FGF13: variants seen among roughly 807,000 people sequenced by gnomAD.
FGF13 encodes the protein fibroblast growth factor 13, also known as fibroblast growth factor homologous factor 2.
A neutral mutation model predicts 19.5 loss-of-function variants in FGF13; 2 were observed. That is an observed-to-expected ratio of 0.10 (90% CI 0.04 to 0.32). FGF13 has a LOEUF of 0.32. Ranked by LOEUF, FGF13 falls within the 10% of genes least tolerant of loss-of-function variation. FGF13 has a pLI of 1.00. For synonymous variants in FGF13, 72 were observed against 76.9 expected (o/e 0.94, Z 0.33); for missense variants, 113 against 192.7 (o/e 0.59, Z 2.45).
chrX:138,843,718 C>G (rs1253040905), intron 3 of FGF13, among the ~76,000 whole-genome samples: 1 of 111,514 alleles, frequency 9.0e-6, no homozygotes, highest in African/African-American at 3.3e-5. Flanking sequence ...ATACATAGGA[C>G]AGACCTTCAA....
At chrX:138,732,139 G>A (rs2090236753) in intron 1 of FGF13, among the ~76,000 whole-genome samples, 1 of 111,419 alleles carries the variant, frequency 9.0e-6, no homozygotes, top group African/African-American at 3.3e-5. Context: ...ATCACTTGTG[G>A]GGATATAAAA....
intron 3 of FGF13, among the ~76,000 whole-genome samples, chrX:138,778,757 C>A (rs776087955): frequency 1.6e-3 from 181 of 112,590 alleles, no homozygotes; most frequent in African/African-American, 5.4e-3. Flanking sequence ...CCCGCCATTG[C>A]CCAGGCTTGA....
chrX:139,048,913 C>A (rs1436849261), intron 1 of FGF13, among the ~76,000 whole-genome samples: 1 of 111,104 alleles, frequency 9.0e-6, no homozygotes, highest in Admixed American at 9.6e-5. Context: ...CCATGGCACA[C>A]AACACTAACG....
intron 3 of FGF13, among the ~76,000 whole-genome samples, chrX:138,777,897 C>T (rs572108536): frequency 2.1e-4 from 23 of 108,382 alleles, no homozygotes; most frequent in African/African-American, 6.1e-4. Flanking sequence ...ATCCAGGAAA[C>T]GCAAAACATA....
chrX:139,091,211 G>C (rs1362669459), intron 1 of FGF13, among the ~76,000 whole-genome samples: 1 of 110,869 alleles, frequency 9.0e-6, no homozygotes, highest in Non-Finnish European at 1.9e-5. Flanking sequence ...AACTAGCCAA[G>C]GCCTTGAAAA....
At position 138,631,674 on chromosome X, in the gene FGF13, T is replaced by C. The variant is rs1328778714; in HGVS notation, c.*1176A>G. On this transcript the variant is annotated 3_prime_UTR_variant, in exon 5 of 5. Transcript: ENST00000315930. ...ACTTTTTGTGCACAGGACAGAAAAC[T>C]GCCTGTACATGCTATGTCCACTTTT... is the stretch of plus-strand genomic sequence containing the variant. The C allele has an allele frequency of 8.9e-6, 1 of 112,620 alleles. No individual in the cohort carries two copies. The highest frequency in any genetic ancestry group is 2.8e-4 in the East Asian group (1 of 3,591). The allele number at this position is 112,620 out of a possible 1,213,427, so 9.3% of individuals were successfully genotyped here. A position where few individuals can be genotyped will look rare whatever the true frequency, so the allele number is the denominator to read the frequency against.
chrX:138,994,901 G>A (rs1014686983), intron 1 of FGF13, among the ~76,000 whole-genome samples: 1 of 109,150 alleles, frequency 9.2e-6, no homozygotes, highest in Non-Finnish European at 1.9e-5. Flanking sequence ...CATTCAGAGA[G>A]GGGTGTAGCT....
At chrX:138,763,132 T>C (rs945878970) in intron 3 of FGF13, among the ~76,000 whole-genome samples, 1 of 110,978 alleles carries the variant, frequency 9.0e-6, no homozygotes, top group Non-Finnish European at 1.9e-5. Flanking sequence ...TTATATCATA[T>C]ACACCAAGAT....
At position 139,094,449 on chromosome X, in the gene FGF13, G is replaced by A. The variant is rs746121717; in HGVS notation, c.-113+108967C>T. Among the ~76,000 whole-genome samples the A allele has an allele frequency of 3.6e-5, 4 of 111,764 alleles. No homozygotes were observed. The South Asian group carries it at 1.5e-3, about 42-fold the overall frequency. On this transcript the variant is annotated intron_variant, in intron 1 of 2. Coordinates refer to the FGF13 transcript ENST00000421460. ...AAGCTGAGGTTCAGCACACTTAGGA[G>A]CCATATCCAGGTGAGAGGAGTTGCA...
In FGF13 at chrX:138,843,628, A is replaced by C. The variant is rs565844795; in HGVS notation, c.217+13884T>G. ...AAGTGTCTAAAAGCTCTAGTCTCTC[A>C]TGTTAGTTTAGAAATGGGTAGTATC... On this transcript the variant is annotated intron_variant, in intron 3 of 6. Coordinates refer to the FGF13 transcript ENST00000436198. Among the ~76,000 whole-genome samples the C allele has an allele frequency of 5.5e-4, 62 of 111,847 alleles. No individual in the cohort carries two copies. In the South Asian group the frequency reaches 0.022, roughly 41 times the overall value.
rs937980679 is a variant in FGF13, at chrX:138,627,434, A to G, written c.*5416T>C. On this transcript the variant is annotated 3_prime_UTR_variant, in exon 5 of 5. Coordinates refer to ENST00000315930, the MANE Select transcript of FGF13 (RefSeq NM_004114.5). ...AGGGCAAACCTGGGCAATACTATTT[A>G]GTGTGTGTGTCATAGCTGAAAGGAT... 1.8e-5 allele frequency: 2 copies of G among 111,162 alleles called. No homozygotes were observed. Among genetic ancestry groups the G allele is most frequent in the Non-Finnish European group, 3.8e-5 (2 of 53,053 alleles). 9.2% of individuals were successfully genotyped at this position (111,162 alleles called of 1,213,427 possible).
chrX:138,908,071 C>CT (rs757824173), intron 1 of FGF13, among the ~76,000 whole-genome samples: 6,029 of 58,839 alleles, frequency 0.1, 242 homozygotes, highest in Non-Finnish European at 0.15. Flanking sequence ...TAATCATTTT[C>CT]TTTTTTTTTT....
chrX:138,861,144 C>A (rs762221923), intron 2 of FGF13, among the ~76,000 whole-genome samples: 1 of 112,409 alleles, frequency 8.9e-6, no homozygotes, highest in East Asian at 2.8e-4. Context: ...GGTTTGGTTT[C>A]TCAGCAGCAG....
chrX:138,766,422 C>T (rs1476275990), intron 3 of FGF13, among the ~76,000 whole-genome samples: 5 of 111,947 alleles, frequency 4.5e-5, no homozygotes, highest in Non-Finnish European at 9.4e-5. Flanking sequence ...TGACAAAATG[C>T]CTTGGGAAGC....
chrX:139,099,377 C>CAAAAAAAAAAAAAAAAAAA (rs59882808), intron 1 of FGF13, among the ~76,000 whole-genome samples: 16 of 32,905 alleles, frequency 4.9e-4, no homozygotes, highest in East Asian at 1.8e-3. Flanking sequence ...GTTTCTATCT[C>CAAAAAAAAAAAAAAAAAAA]AAAAAAAAAA....
At chrX:139,057,263 T>C (rs1171788226) in intron 1 of FGF13, among the ~76,000 whole-genome samples, 1 of 111,127 alleles carries the variant, frequency 9.0e-6, no homozygotes, top group Non-Finnish European at 1.9e-5. Context: ...TTTATAGAAG[T>C]TGGTATCAGT....
intron 1 of FGF13, among the ~76,000 whole-genome samples, chrX:139,195,682 A>T (rs1156381593): frequency 8.9e-6 from 1 of 112,416 alleles, no homozygotes; most frequent in Non-Finnish European, 1.9e-5. Flanking sequence ...ATTGAGCAAC[A>T]GTTCTACAAT....
At chrX:138,790,250 G>T (rs2124371970) in intron 3 of FGF13, among the ~76,000 whole-genome samples, 1 of 107,030 alleles carries the variant, frequency 9.3e-6, no homozygotes, top group East Asian at 3.0e-4. Flanking sequence ...GGGGGAAAGA[G>T]AACTAGCTAT....
chrX:138,931,681 C>T (rs1221343206), intron 1 of FGF13, among the ~76,000 whole-genome samples: 2 of 111,404 alleles, frequency 1.8e-5, no homozygotes, highest in Admixed American at 9.5e-5. Flanking sequence ...TTCTGCTGTT[C>T]GTATACAAAA....
Sources: allele counts gnomAD v4.1 joint callset (sites outside exome capture counted in the v4.1 genomes callset), GRCh38; gene constraint gnomAD v4.1.1; transcripts MANE v1.5; gene names NCBI Gene and HGNC (gene_info 2026-07-23, HGNC 2026-07-21).